GHR: variants seen among roughly 807,000 people sequenced by gnomAD.
GHR encodes GH receptor.
In GHR, 35 loss-of-function variants were observed where a neutral mutation model predicts 67.1. The observed-to-expected ratio is 0.52, with a 90% CI of 0.40 to 0.69. GHR has a LOEUF of 0.69. GHR is among the 30% of genes least tolerant of loss of function. The probability of loss-of-function intolerance (pLI) is 0.00; values close to 1 mark genes in which losing one functional copy is unlikely to be tolerated. For synonymous variants in GHR, 272 were observed against 269.1 expected, an observed-to-expected ratio of 1.01 and a Z score of -0.10; for missense variants, 792 against 764.6, an observed-to-expected ratio of 1.04 and a Z score of -0.42.
At chr5:42,521,441 A>T (rs541857398) in intron 1 of GHR, among the ~76,000 whole-genome samples, 1 of 152,208 alleles carries the variant, frequency 6.6e-6, no homozygotes, top group African/African-American at 2.4e-5. Flanking sequence ...GATTTACTCC[A>T]TATTTCTTAT....
chr5:42,457,041 G>A (rs1393243749), intron 1 of GHR, among the ~76,000 whole-genome samples: 1 of 152,030 alleles, frequency 6.6e-6, no homozygotes, highest in Non-Finnish European at 1.5e-5. Context: ...TTTCCCTGGG[G>A]AGCAAAAAGG....
chr5:42,668,309 G>T lies in GHR; in HGVS notation c.137-20581G>T, dbSNP rs1229360951. On this transcript the variant is annotated intron_variant, in intron 3 of 9. Coordinates refer to ENST00000230882, the MANE Select transcript of GHR (RefSeq NM_000163.5). ...TTGAAGAATTATTTTGTAATTTAGT[G>T]ATTTTAATTATTTGTTGGGAATAGG... Among the ~76,000 whole-genome samples, 4 of 152,082 alleles carry T rather than the reference G, an allele frequency of 2.6e-5. No individual in the cohort carries two copies. In the East Asian group the frequency reaches 7.7e-4, roughly 29 times the overall value.
intron 1 of GHR, among the ~76,000 whole-genome samples, chr5:42,444,619 A>G (rs897316380): frequency 2.6e-5 from 4 of 151,788 alleles, no homozygotes; most frequent in African/African-American, 7.3e-5. Context: ...TCAGAATCCT[A>G]TATATTCCCT....
intron 1 of GHR, chr5:42,468,249 T>TTCC (rs772062758): frequency 2.9e-5 from 45 of 1,553,668 alleles, no homozygotes; most frequent in Middle Eastern, 1.7e-4. Context: ...AGTTTTCTTC[T>TTCC]TCCTCCTCCT....
chr5:42,478,157 T>C (rs1026961198), intron 1 of GHR, among the ~76,000 whole-genome samples: 11 of 152,238 alleles, frequency 7.2e-5, no homozygotes, highest in African/African-American at 2.7e-4. Context: ...TCCCCATTTC[T>C]TGTTTTTGTC....
In GHR at chr5:42,630,723, G is replaced by A. The variant is rs188003809; in HGVS notation, c.136+1620G>A. 1.5e-5 allele frequency among the ~76,000 whole-genome samples: 2 copies of A among 132,010 alleles called. 1 individual carries two copies. Among genetic ancestry groups the A allele is most frequent in the African/African-American group, 6.4e-5 (2 of 31,342 alleles). 86.6% of individuals were successfully genotyped at this position (132,010 alleles called of 152,430 possible). On this transcript the variant is annotated intron_variant, in intron 3 of 9. Transcript: ENST00000230882. ...AAGCCTTTTTTCACTCAACAGATGA[G>A]TTATGTGCTTTATATTCTGTAAGGA... is the stretch of plus-strand genomic sequence containing the variant.
intron 1 of GHR, among the ~76,000 whole-genome samples, chr5:42,489,019 C>A (rs1261152548): frequency 2.0e-5 from 3 of 152,204 alleles, no homozygotes; most frequent in African/African-American, 7.2e-5. Flanking sequence ...TCAGTGGAAT[C>A]TAGAGTTCCA....
At chr5:42,517,195 T>C (rs1325934473) in intron 1 of GHR, among the ~76,000 whole-genome samples, 1 of 152,226 alleles carries the variant, frequency 6.6e-6, no homozygotes, top group East Asian at 1.9e-4. Context: ...TTTATACCAA[T>C]GGACTAATTG....
intron 2 of GHR, among the ~76,000 whole-genome samples, chr5:42,597,898 T>A (rs1448111130): frequency 6.6e-6 from 1 of 152,160 alleles, no homozygotes. Flanking sequence ...ACAATCCGGG[T>A]AAGATTTTTC....
intron 1 of GHR, among the ~76,000 whole-genome samples, chr5:42,512,941 G>A (rs1747081484): frequency 6.6e-6 from 1 of 151,942 alleles, no homozygotes; most frequent in Admixed American, 6.6e-5. Flanking sequence ...TATACCCTGA[G>A]GTTATTACTT....
At chr5:42,579,116 TAGATAGATAGATAGATAGATAGATGATA>T (rs1421662179) in intron 2 of GHR, among the ~76,000 whole-genome samples, 6 of 86,358 alleles carry the variant, frequency 6.9e-5, no homozygotes, top group East Asian at 4.3e-4. Flanking sequence ...GATAGATAGA[TAGATAGATAGATAGATAGATAGATGATA>T]GATAGATATA....
chr5:42,534,078 ATATGTATATATGTAAGTATATATGTACG>A (rs1561102153), intron 1 of GHR, among the ~76,000 whole-genome samples: 6 of 149,962 alleles, frequency 4.0e-5, no homozygotes, highest in Non-Finnish European at 7.4e-5. Context: ...ACGTATGTAT[ATATGTATATATGTAAGTATATATGTACG>A]TATGTATATA....
chr5:42,556,944 C>A (rs1054603657), intron 1 of GHR, among the ~76,000 whole-genome samples: 3 of 152,210 alleles, frequency 2.0e-5, no homozygotes, highest in Admixed American at 1.3e-4. Flanking sequence ...GACTCAGGTT[C>A]TTGTAACTCA....
intron 1 of GHR, among the ~76,000 whole-genome samples, chr5:42,540,872 A>G (rs1748483301): frequency 1.3e-5 from 2 of 150,810 alleles, no homozygotes; most frequent in African/African-American, 4.9e-5. Context: ...TGCATTATCT[A>G]TCCTTCTCTC....
chr5:42,705,334 A>G (rs917619272), intron 6 of GHR, among the ~76,000 whole-genome samples: 1 of 152,024 alleles, frequency 6.6e-6, no homozygotes, highest in Non-Finnish European at 1.5e-5. Flanking sequence ...AACGACTTTT[A>G]CTGCATTCCT....
At chr5:42,572,017 A>G (rs938674200) in intron 2 of GHR, among the ~76,000 whole-genome samples, 5 of 152,184 alleles carry the variant, frequency 3.3e-5, no homozygotes, top group Non-Finnish European at 7.3e-5. Context: ...ATTCCCTACA[A>G]CAAGGGGCCC....
In GHR at chr5:42,699,163, T is replaced by G. The variant is rs757513726; in HGVS notation, c.440-661T>G. Among the ~76,000 whole-genome samples, 360 of 152,296 alleles carry G rather than the reference T, an allele frequency of 2.4e-3. 3 individuals are homozygous for G. The highest frequency in any genetic ancestry group is 2.0e-3 in the Non-Finnish European group (138 of 68,028). The stretch of plus-strand genomic sequence containing the variant: ...AGGAAGATCACAAAGCTAGGGAGCA[T>G]TAGCAGAGTGTGCAGGAAGATTGTA... On this transcript the variant is annotated intron_variant, in intron 5 of 9. Transcript: ENST00000230882.
chr5:42,518,872 C>T (rs1298099076), intron 1 of GHR, among the ~76,000 whole-genome samples: 3 of 152,068 alleles, frequency 2.0e-5, no homozygotes, highest in Admixed American at 1.3e-4. Context: ...GAAGAAGTCA[C>T]TTGAAATAGA....
chr5:42,690,232 A>C (rs147974317), intron 4 of GHR, among the ~76,000 whole-genome samples: 4 of 152,330 alleles, frequency 2.6e-5, no homozygotes, highest in Non-Finnish European at 5.9e-5. Context: ...TGCAGCCAGC[A>C]GTTAAGGGTA....
Sources: gnomAD v4.1 joint callset for allele counts (sites outside exome capture counted in the v4.1 genomes callset) on GRCh38, gnomAD v4.1.1 for gene constraint, MANE v1.5 for transcripts, NCBI Gene and HGNC (gene_info 2026-07-23, HGNC 2026-07-21) for gene names.